Variants in ULK4 observed in about 807,000 individuals in gnomAD.
ULK4 encodes the protein unc-51 like kinase 4, also known as inactive serine/threonine-protein kinase ULK4.
In ULK4, 133 loss-of-function variants were observed where a neutral mutation model predicts 160.6. The observed-to-expected ratio is 0.83, with a 90% CI of 0.72 to 0.96. The LOEUF is 0.96. ULK4 is among the 40% of genes least tolerant of loss of function. The pLI, the probability that ULK4 is intolerant of heterozygous loss-of-function variation, is 0.00. For synonymous variants in ULK4, 534 were observed against 539.8 expected, an observed-to-expected ratio of 0.99 and a Z score of 0.15; for missense variants, 1,580 against 1,499.5, an observed-to-expected ratio of 1.05 and a Z score of -0.89.
intron 35 of ULK4, among the ~76,000 whole-genome samples, chr3:41,380,941 G>A (rs2081636470): frequency 6.6e-6 from 1 of 152,002 alleles, no homozygotes; most frequent in Non-Finnish European, 1.5e-5. Context: ...TCATGCCCCT[G>A]AGCTGCTGGG....
At chr3:41,816,138 T>G (rs906559703) in intron 19 of ULK4, among the ~76,000 whole-genome samples, 11 of 151,782 alleles carry the variant, frequency 7.2e-5, no homozygotes, top group African/African-American at 2.7e-4. Flanking sequence ...ATATTATATA[T>G]TATATATAAA....
At chr3:41,873,707 T>A (rs1336908194) in intron 17 of ULK4, among the ~76,000 whole-genome samples, 1 of 152,046 alleles carries the variant, frequency 6.6e-6, no homozygotes, top group African/African-American at 2.4e-5. Context: ...GCATGCACCA[T>A]CATGCCTAAC....
At chr3:41,836,621 A>C (rs1437344408) in intron 17 of ULK4, among the ~76,000 whole-genome samples, 1 of 152,200 alleles carries the variant, frequency 6.6e-6, no homozygotes, top group Non-Finnish European at 1.5e-5. Flanking sequence ...CAGGATCCTA[A>C]AACGAATTTT....
At chr3:41,693,728 G>A (rs1196760402) in intron 27 of ULK4, among the ~76,000 whole-genome samples, 1 of 152,164 alleles carries the variant, frequency 6.6e-6, no homozygotes, top group African/African-American at 2.4e-5. Context: ...TATATTTCAG[G>A]GAAGGGAGTG....
intron 35 of ULK4, among the ~76,000 whole-genome samples, chr3:41,344,306 A>T (rs1251074679): frequency 2.6e-5 from 4 of 152,206 alleles, no homozygotes; most frequent in Non-Finnish European, 4.4e-5. Context: ...CCTTTTCCTT[A>T]CACCATATAC....
intron 18 of ULK4, among the ~76,000 whole-genome samples, chr3:41,831,531 A>ATATATATATATATATATATATTTTT: frequency 7.2e-6 from 1 of 138,066 alleles, no homozygotes; most frequent in Admixed American, 7.2e-5. Flanking sequence ...ATATATATAT[A>ATATATATATATATATATATATTTTT]TTTTTTTTTC....
intron 30 of ULK4, among the ~76,000 whole-genome samples, chr3:41,623,776 ATAATAATGTAGTATG>A (rs1021405846): frequency 6.6e-6 from 1 of 152,192 alleles, no homozygotes; most frequent in Non-Finnish European, 1.5e-5. Flanking sequence ...AAGTTAGTTA[ATAATAATGTAGTATG>A]TATTTCAAAA....
intron 32 of ULK4, among the ~76,000 whole-genome samples, chr3:41,499,885 T>C (rs1472187548): frequency 1.3e-5 from 2 of 152,224 alleles, no homozygotes; most frequent in African/African-American, 4.8e-5. Flanking sequence ...TATAAAACAA[T>C]TCAGACTTTC....
intron 12 of ULK4, among the ~76,000 whole-genome samples, chr3:41,906,508 G>A (rs978493070): frequency 6.6e-6 from 1 of 151,794 alleles, no homozygotes; most frequent in African/African-American, 2.4e-5. Flanking sequence ...CAGCCTGGAT[G>A]ACAGAGTGAG....
At chr3:41,775,180 C>T (rs978817337) in intron 21 of ULK4, among the ~76,000 whole-genome samples, 2 of 149,408 alleles carry the variant, frequency 1.3e-5, no homozygotes, top group Admixed American at 6.6e-5. Flanking sequence ...ATGTAACAAA[C>T]GTGCACGTTG....
chr3:41,371,553 G>A (rs1230239314), intron 35 of ULK4, among the ~76,000 whole-genome samples: 1 of 152,180 alleles, frequency 6.6e-6, no homozygotes, highest in East Asian at 1.9e-4. Context: ...CAGAAGAGAA[G>A]CCTGACTGTT....
At chr3:41,766,293 T>C (rs1050324355) in intron 21 of ULK4, among the ~76,000 whole-genome samples, 1 of 152,110 alleles carries the variant, frequency 6.6e-6, no homozygotes, top group Middle Eastern at 3.2e-3. Context: ...TTTAAAAATA[T>C]GAAAGTGTGA....
At chr3:41,873,238 T>TTTTTTTTTTTTTTTTTA (rs776627434) in intron 17 of ULK4, among the ~76,000 whole-genome samples, 2 of 148,842 alleles carry the variant, frequency 1.3e-5, no homozygotes, top group African/African-American at 5.0e-5. Context: ...TTTTTTTTTT[T>TTTTTTTTTTTTTTTTTA]TTTTTGAAAA....
In ULK4 at chr3:41,580,376, A is replaced by T. The variant is rs73830260; in HGVS notation, c.3121-14246T>A. On this transcript the variant is annotated intron_variant, in intron 31 of 36. Transcript: ENST00000301831. Reference sequence around the variant, plus strand: ...AAATAACAAGTTAAACCAATTATTTATTTTTTTTTTTTTAAAAAAACCTGT... The same window carrying T: ...AAATAACAAGTTAAACCAATTATTTTTTTTTTTTTTTTTAAAAAAACCTGT... Among the ~76,000 whole-genome samples, 526 of 147,542 alleles carry T rather than the reference A, an allele frequency of 3.6e-3. 3 individuals are homozygous for T. The highest frequency in any genetic ancestry group is 0.012 in the African/African-American group (468 of 40,442).
chr3:41,773,407 G>A (rs778823056), intron 21 of ULK4, among the ~76,000 whole-genome samples: 27 of 152,030 alleles, frequency 1.8e-4, no homozygotes, highest in Admixed American at 1.2e-3. Flanking sequence ...AAAAATCACA[G>A]GCATTCTTAT....
chr3:41,437,334 C>T (rs1035231439), intron 34 of ULK4, among the ~76,000 whole-genome samples: 2 of 152,158 alleles, frequency 1.3e-5, no homozygotes, highest in Non-Finnish European at 2.9e-5. Context: ...TCTAGAATTT[C>T]AAATCCTAAA....
intron 19 of ULK4, among the ~76,000 whole-genome samples, chr3:41,817,740 C>T (rs2041019126): frequency 6.6e-6 from 1 of 152,070 alleles, no homozygotes; most frequent in South Asian, 2.1e-4. Context: ...TGTAACAAAC[C>T]TGCACATGTA....
At chr3:41,539,345 G>A (rs2086620940) in intron 32 of ULK4, among the ~76,000 whole-genome samples, 1 of 152,102 alleles carries the variant, frequency 6.6e-6, no homozygotes, top group Non-Finnish European at 1.5e-5. Flanking sequence ...CCGACAGCAG[G>A]CTACATTTAC....
intron 15 of ULK4, 86 bp downstream of exon 15, chr3:41,896,736 G>A: frequency 1.4e-6 from 2 of 1,421,888 alleles, no homozygotes; most frequent in Non-Finnish European, 1.9e-6. Flanking sequence ...TTTTGTGGTA[G>A]TTAAATCAAA....
Sources: gnomAD v4.1 joint callset for allele counts (sites outside exome capture counted in the v4.1 genomes callset) on GRCh38, gnomAD v4.1.1 for gene constraint, MANE v1.5 for transcripts, NCBI Gene and HGNC (gene_info 2026-07-23, HGNC 2026-07-21) for gene names.